The following RGS3 variants were observed in gnomAD, a reference collection of about 807,000 sequenced individuals.
The protein encoded by RGS3 is regulator of G-protein signalling 3.
RGS3 carries 80 observed loss-of-function variants against 132.6 expected under a neutral mutation model. That is an observed-to-expected ratio of 0.60 (90% CI 0.50 to 0.73). The LOEUF is 0.73. Ranked by LOEUF, RGS3 falls within the 30% of genes least tolerant of loss-of-function variation. RGS3 has a pLI of 0.00. For synonymous variants in RGS3, 598 were observed against 620.6 expected, an observed-to-expected ratio of 0.96 and a Z score of 0.54; for missense variants, 1,382 against 1,530.8, an observed-to-expected ratio of 0.90 and a Z score of 1.62.
chr9:113,565,428 G>A lies in RGS3; in HGVS notation c.2038-18022G>A, dbSNP rs1588259051. The A allele has an allele frequency of 2.7e-5, 31 of 1,163,448 alleles. No homozygotes were observed. The highest frequency in any genetic ancestry group is 3.1e-5 in the Non-Finnish European group (27 of 877,566). 72.1% of individuals were successfully genotyped at this position (1,163,448 alleles called of 1,614,324 possible). On this transcript the variant is annotated intron_variant, in intron 19 of 24. Coordinates refer to ENST00000350696, the Ensembl canonical transcript of RGS3. The surrounding 1 kb of genome is among the most constrained non-coding windows in gnomAD (Gnocchi z 5.7). Reference sequence around the variant, plus strand: ...AGGACAAGTAGGAGGAGGAGGAAGAGGAGGAGGGACGGGTGATGCAAGGGT... The same window carrying A: ...AGGACAAGTAGGAGGAGGAGGAAGAAGAGGAGGGACGGGTGATGCAAGGGT...
At chr9:113,460,247 G>A (rs774555693), upstream of RGS3, 7 of 1,151,300 alleles carry the variant, frequency 6.1e-6, no homozygotes, top group Admixed American at 6.2e-5. Flanking sequence ...CTGGCCAGGC[G>A]CAGTGGCTCA....
At chr9:113,483,080 T>A in exon 5 of RGS3, 1 of 1,614,052 alleles carries the variant, frequency 6.2e-7, no homozygotes, top group Middle Eastern at 1.6e-4. Flanking sequence ...AAAGGCCTGA[T>A]CAGCAAACAG....
At chr9:113,487,955 C>T (rs556091019) in intron 7 of RGS3, among the ~76,000 whole-genome samples, 1 of 152,208 alleles carries the variant, frequency 6.6e-6, no homozygotes, top group South Asian at 2.1e-4. Context: ...AACATGTTTG[C>T]AGGGTGAACC....
At chr9:113,461,993 A>G (rs1480681318) in intron 2 of RGS3, 9 of 1,609,056 alleles carry the variant, frequency 5.6e-6, no homozygotes, top group Non-Finnish European at 7.6e-6. Context: ...GGCCATGGCT[A>G]ACTCATGCTC....
chr9:113,536,825 G>A (rs756378435), exon 19 of RGS3: 18 of 1,613,982 alleles, frequency 1.1e-5, no homozygotes, highest in South Asian at 6.6e-5. Context: ...CTTTGGAAGC[G>A]CACTCGCAGG....
At chr9:113,560,114 C>T (rs893890667) in intron 19 of RGS3, among the ~76,000 whole-genome samples, 2 of 152,214 alleles carry the variant, frequency 1.3e-5, no homozygotes, top group African/African-American at 4.8e-5. Context: ...ACTGTGCTCT[C>T]TCTAAATTCC....
chr9:113,536,824 C>A, exon 19 of RGS3: 1 of 1,614,112 alleles, frequency 6.2e-7, no homozygotes, highest in South Asian at 1.1e-5. Flanking sequence ...ACTTTGGAAG[C>A]GCACTCGCAG....
intron 8 of RGS3, among the ~76,000 whole-genome samples, chr9:113,496,537 T>TTC (rs922005712): frequency 9.9e-5 from 15 of 151,262 alleles, no homozygotes; most frequent in Admixed American, 2.0e-4. Context: ...CCTAAAGAGC[T>TTC]TCTCTCTCTC....
At chr9:113,461,633 A>T in intron 1 of RGS3, 1 of 1,481,768 alleles carries the variant, frequency 6.7e-7, no homozygotes, top group Non-Finnish European at 9.2e-7. Context: ...GAGGGGACCT[A>T]CAAAGCAGTA....
chr9:113,495,636 T>C (rs1830656662), intron 7 of RGS3, 150 bp from the exon 6 acceptor site: 2 of 698,564 alleles, frequency 2.9e-6, no homozygotes, highest in Non-Finnish European at 5.2e-6. Flanking sequence ...CTATCCTGCC[T>C]CACAGAGTCA....
At chr9:113,457,870 A>G (rs1053134655), upstream of RGS3, among the ~76,000 whole-genome samples, 8 of 152,192 alleles carry the variant, frequency 5.3e-5, no homozygotes, top group African/African-American at 1.4e-4. Context: ...GATGATGCCA[A>G]TGCAATTTTG....
chr9:113,515,512 T>A (rs1831610253), intron 15 of RGS3, among the ~76,000 whole-genome samples: 1 of 151,970 alleles, frequency 6.6e-6, no homozygotes, highest in African/African-American at 2.4e-5. Context: ...GCGCCTGTAA[T>A]CCCAGCTATT....
rs1007457015 is a variant in RGS3, at chr9:113,511,310, T to C, written c.1477+2730T>C. ...GGTGTTGGAGGAGAAAAGGGTGATA[T>C]GGGGGTTTGGACCAGACATCGGTAG... On this transcript the variant is annotated intron_variant, in intron 14 of 24. Transcript: ENST00000350696. Among the ~76,000 whole-genome samples the C allele has an allele frequency of 1.4e-4, 22 of 151,728 alleles. 2 individuals carry two copies.
chr9:113,473,846 T>C (rs1482558769), intron 3 of RGS3, among the ~76,000 whole-genome samples: 2 of 152,212 alleles, frequency 1.3e-5, no homozygotes, highest in Non-Finnish European at 1.5e-5. Context: ...GACTTTGTTC[T>C]CTCCATGTGT....
chr9:113,591,076 G>T lies in RGS3; in HGVS notation c.3016-257G>T, dbSNP rs1463417308. On this transcript the variant is annotated intron_variant, in intron 20 of 24. Coordinates refer to ENST00000350696, the Ensembl canonical transcript of RGS3. This position sits in a 1 kb window ranked among gnomAD's most constrained non-coding sequence, Gnocchi z 4.4. ...CTCTGTCCTGAGTGCCAGCCGTCTG[G>T]CTTCTCCCCAGTGAGCTGGGGACCT... is the stretch of plus-strand genomic sequence containing the variant. 6.6e-6 allele frequency among the ~76,000 whole-genome samples: 1 copy of T among 152,210 alleles called. No homozygotes were observed. Among genetic ancestry groups the T allele is most frequent in the Non-Finnish European group, 1.5e-5 (1 of 68,040 alleles).
intron 19 of RGS3, among the ~76,000 whole-genome samples, chr9:113,556,187 A>T (rs1193147541): frequency 2.0e-5 from 3 of 152,160 alleles, no homozygotes; most frequent in Non-Finnish European, 2.9e-5. Flanking sequence ...AACAACCAGG[A>T]TTCCTCTTTC....
At chr9:113,583,634 T>G in exon 20 of RGS3, 3 of 1,613,960 alleles carry the variant, frequency 1.9e-6, no homozygotes, top group Non-Finnish European at 2.5e-6. Context: ...CAAGAACCAC[T>G]GTCCAGCAAA....
chr9:113,466,395 C>T (rs1440901390), intron 3 of RGS3, among the ~76,000 whole-genome samples: 9 of 152,216 alleles, frequency 5.9e-5, no homozygotes, highest in Non-Finnish European at 1.5e-5. Flanking sequence ...TATAAAGAGA[C>T]AAAACTGTTT....
At chr9:113,517,315 T>C (rs1047785722) in intron 15 of RGS3, 11 of 663,640 alleles carry the variant, frequency 1.7e-5, no homozygotes, top group Non-Finnish European at 2.8e-5. Flanking sequence ...CGGTGAGGGT[T>C]GATGGGGAAG....
Sources: gnomAD v4.1 joint callset for allele counts (sites outside exome capture counted in the v4.1 genomes callset) on GRCh38, gnomAD v4.1.1 for gene constraint, Gnocchi (gnomAD v3.1) non-coding constraint, MANE v1.5 for transcripts, NCBI Gene and HGNC (gene_info 2026-07-23, HGNC 2026-07-21) for gene names.